The following AKAP10 variants were observed in gnomAD, a reference collection of about 807,000 sequenced individuals.
The protein encoded by AKAP10 is A-kinase anchor protein 10, mitochondrial.
AKAP10 carries 24 observed loss-of-function variants against 80.8 expected under a neutral mutation model. The observed-to-expected ratio is 0.30, with a 90% confidence interval of 0.22 to 0.42. The LOEUF (loss-of-function observed/expected upper bound fraction) is 0.42, where lower values mean the gene tolerates loss of function less well. AKAP10 is among the 10% of genes least tolerant of loss of function. The probability of loss-of-function intolerance (pLI) is 1.00; values close to 1 mark genes in which losing one functional copy is unlikely to be tolerated. For missense variants in AKAP10, 661 were observed against 794.9 expected, an observed-to-expected ratio of 0.83 and a Z score of 2.03; for synonymous variants, 291 against 277.7, an observed-to-expected ratio of 1.05 and a Z score of -0.48.
intron 9 of AKAP10, chr17:19,935,988 CTTTT>C (rs1366782968): frequency 4.6e-6 from 1 of 217,048 alleles, no homozygotes; most frequent in African/African-American, 2.3e-5. Flanking sequence ...TTTAGTTTTT[CTTTT>C]TTCTTTTTTA....
At chr17:19,909,874 T>A in intron 13 of AKAP10, 52 bp downstream of exon 13, 1 of 1,562,586 alleles carries the variant, frequency 6.4e-7, no homozygotes, top group Non-Finnish European at 8.8e-7. Context: ...CTCACTTACA[T>A]GAGGGTGGCA....
intron 1 of AKAP10, among the ~76,000 whole-genome samples, chr17:19,977,192 GC>G (rs1328996861): frequency 6.6e-6 from 1 of 152,110 alleles, no homozygotes; most frequent in African/African-American, 2.4e-5. Context: ...TTCACGTGTT[GC>G]TTTTAGACAT....
intron 1 of AKAP10, among the ~76,000 whole-genome samples, chr17:19,972,975 T>C (rs778547703): frequency 3.3e-5 from 5 of 151,934 alleles, no homozygotes; most frequent in Admixed American, 6.6e-5. Context: ...ATGGGCCAAA[T>C]ACAACCCACT....
intron 12 of AKAP10, among the ~76,000 whole-genome samples, chr17:19,913,385 C>T (rs1254039677): frequency 1.3e-5 from 2 of 152,046 alleles, no homozygotes; most frequent in African/African-American, 4.8e-5. Context: ...AACTCCTGAC[C>T]TCGTGATCTG....
rs1567765947 is a variant in AKAP10, at chr17:19,946,266, TATATATA to T, written c.976+1134_976+1140del. On this transcript the variant is annotated intron_variant, in intron 5 of 14. Transcript: ENST00000225737. ...ATATATATATATATATATATATATA[TATATATA>T]TATTTTTTTTTTTTTTTTTTTTTTT... 5.4e-3 allele frequency among the ~76,000 whole-genome samples: 173 copies of T among 31,872 alleles called. 11 individuals are homozygous for T. Among genetic ancestry groups the T allele is most frequent in the African/African-American group, 0.019 (154 of 8,234 alleles). The allele number at this position is 31,872 out of a possible 152,430, so 20.9% of individuals were successfully genotyped here. A position where few individuals can be genotyped will look rare whatever the true frequency, so the allele number is the denominator to read the frequency against.
intron 5 of AKAP10, among the ~76,000 whole-genome samples, chr17:19,942,189 T>C (rs1276041273): frequency 6.6e-6 from 1 of 152,162 alleles, no homozygotes; most frequent in Non-Finnish European, 1.5e-5. Context: ...GAAAAAAGAT[T>C]TGCAGCATGC....
intron 12 of AKAP10, 119 bp from the exon 13 acceptor site, chr17:19,910,097 G>A (rs2042672579): frequency 1.1e-6 from 1 of 882,916 alleles, no homozygotes. Flanking sequence ...GGAGGCCGAG[G>A]TGGGTGATTC....
At chr17:19,906,971 T>C (rs547588002) in intron 14 of AKAP10, among the ~76,000 whole-genome samples, 1 of 152,238 alleles carries the variant, frequency 6.6e-6, no homozygotes, top group South Asian at 2.1e-4. Flanking sequence ...TCACACTTAC[T>C]GCCTAAAGTA....
intron 1 of AKAP10, among the ~76,000 whole-genome samples, chr17:19,976,541 C>T (rs2043569368): frequency 6.6e-6 from 1 of 151,144 alleles, no homozygotes; most frequent in African/African-American, 2.4e-5. Context: ...TTTTTTGAGA[C>T]GGAGTTTCGC....
chr17:19,936,531 A>G, intron 8 of AKAP10, 101 bp from the exon 9 acceptor site: 3 of 1,166,814 alleles, frequency 2.6e-6, no homozygotes, highest in Non-Finnish European at 2.4e-6. Context: ...TACTTGATTG[A>G]GCCTGCAGGC....
intron 5 of AKAP10, among the ~76,000 whole-genome samples, chr17:19,946,211 A>G (rs1261152034): frequency 5.6e-5 from 3 of 53,576 alleles, no homozygotes; most frequent in Non-Finnish European, 1.0e-4. Flanking sequence ...TATTTTATAT[A>G]TATATATATT....
At chr17:19,960,513 G>T (rs2043335366) in intron 3 of AKAP10, among the ~76,000 whole-genome samples, 1 of 152,154 alleles carries the variant, frequency 6.6e-6, no homozygotes, top group African/African-American at 2.4e-5. Flanking sequence ...CATCCAGGTG[G>T]TTAAATGTAT....
At chr17:19,910,467 T>A (rs938396103) in intron 12 of AKAP10, among the ~76,000 whole-genome samples, 8 of 152,220 alleles carry the variant, frequency 5.3e-5, no homozygotes, top group Non-Finnish European at 1.2e-4. Context: ...CTGATTATAT[T>A]GCTTACATAA....
Position 19,920,473 on chromosome 17 carries a change from C to G in AKAP10, c.1752-355G>C, listed in dbSNP as rs186594462. Among the ~76,000 whole-genome samples, 375 of 152,254 alleles carry G rather than the reference C, an allele frequency of 2.5e-3. 2 individuals carry two copies. The highest frequency in any genetic ancestry group is 0.017 in the Middle Eastern group (5 of 294). The stretch of plus-strand genomic sequence containing the variant: ...GGCCTTGCTCTAACAATGACTGAAA[C>G]ATATTATAAAGCCATAGTTGTGTGT... On this transcript the variant is annotated intron_variant, in intron 11 of 14. Coordinates refer to ENST00000225737, the MANE Select transcript of AKAP10 (RefSeq NM_007202.4).
rs540401435 is a variant in AKAP10, at chr17:19,973,011, A to G, written c.89-4550T>C. 1.3e-4 allele frequency among the ~76,000 whole-genome samples: 20 copies of G among 151,576 alleles called. 1 individual carries two copies. In the South Asian group the frequency reaches 4.2e-3, roughly 32 times the overall value. ...ACCTTTTGTTTTGTTTTGCTTTAAGACTCCGTCACCCTGGCTGGAGTGCAG... is the reference window on the plus strand; with the variant it reads ...ACCTTTTGTTTTGTTTTGCTTTAAGGCTCCGTCACCCTGGCTGGAGTGCAG... On this transcript the variant is annotated intron_variant, in intron 1 of 14. Coordinates refer to ENST00000225737, the MANE Select transcript of AKAP10 (RefSeq NM_007202.4).
chr17:19,935,107 T>A (rs1337140528), intron 9 of AKAP10, among the ~76,000 whole-genome samples: 2 of 152,184 alleles, frequency 1.3e-5, no homozygotes, highest in Admixed American at 6.5e-5. Context: ...CAAACCTAGA[T>A]GGTATGGCCT....
chr17:19,910,082 C>T, intron 12 of AKAP10, 104 bp from the exon 13 acceptor site: 1 of 1,099,548 alleles, frequency 9.1e-7, no homozygotes, highest in Non-Finnish European at 1.3e-6. Flanking sequence ...AATTCCAGCA[C>T]TTTGGGAGGC....
At chr17:19,946,267 ATATATATATTTTTTTTT>A (rs2043125879) in intron 5 of AKAP10, among the ~76,000 whole-genome samples, 2 of 27,068 alleles carry the variant, frequency 7.4e-5, no homozygotes, top group Non-Finnish European at 1.2e-4. Context: ...ATATATATAT[ATATATATATTTTTTTTT>A]TTTTTTTTTT....
chr17:19,910,228 G>A (rs1305396905), intron 12 of AKAP10, among the ~76,000 whole-genome samples: 1 of 150,280 alleles, frequency 6.7e-6, no homozygotes, highest in East Asian at 2.0e-4. Flanking sequence ...TCAGGAGGCT[G>A]AGGCAGAAGA....
Sources: gnomAD v4.1 joint callset for allele counts (sites outside exome capture counted in the v4.1 genomes callset) on GRCh38, gnomAD v4.1.1 for gene constraint, MANE v1.5 for transcripts, NCBI Gene and HGNC (gene_info 2026-07-23, HGNC 2026-07-21) for gene names.